Variants in ABCC10 observed in about 807,000 individuals in gnomAD.
ABCC10 encodes the protein ATP-binding cassette sub-family C member 10.
ABCC10 carries 110 observed loss-of-function variants against 143.2 expected under a neutral mutation model. That is an observed-to-expected ratio of 0.77 (90% CI 0.66 to 0.90). ABCC10 has a LOEUF of 0.90. ABCC10 is among the 40% of genes least tolerant of loss of function. ABCC10 has a pLI of 0.00. For missense variants in ABCC10, 1,700 were observed against 1,900.5 expected, an observed-to-expected ratio of 0.89 and a Z score of 1.96; for synonymous variants, 805 against 846.7, an observed-to-expected ratio of 0.95 and a Z score of 0.85.
Position 43,443,436 on chromosome 6 carries a change from A to G in ABCC10, c.2416+277A>G. 1 of 391,864 alleles carries G rather than the reference A, an allele frequency of 2.6e-6. No homozygotes were observed. The highest frequency in any genetic ancestry group is 4.0e-5 in the Admixed American group (1 of 24,796). 24.3% of individuals were successfully genotyped at this position (391,864 alleles called of 1,614,324 possible). A position where few individuals can be genotyped will look rare whatever the true frequency, so the allele number is the denominator to read the frequency against. On this transcript the variant is annotated intron_variant, in intron 10 of 21. Coordinates refer to ENST00000372530, the MANE Select transcript of ABCC10 (RefSeq NM_001198934.2). The surrounding 1 kb of genome is among the most constrained non-coding windows in gnomAD (Gnocchi z 4.2). The stretch of plus-strand genomic sequence containing the variant: ...TGAGAACATTCTCATATCTTCAGAG[A>G]AGAGAAAGGAGTCAGGTTTAGAATG...
At chr6:43,444,454 A>G (rs1782809399) in intron 12 of ABCC10, 101 bp downstream of exon 12, 1 of 1,365,062 alleles carries the variant, frequency 7.3e-7, no homozygotes, top group Non-Finnish European at 9.8e-7. Flanking sequence ...CTCACCAAGC[A>G]TGGGTCACAG....
intron 7 of ABCC10, 46 bp from the exon 8 acceptor site, chr6:43,438,578 C>G: frequency 1.9e-6 from 3 of 1,601,998 alleles, no homozygotes; most frequent in Non-Finnish European, 2.6e-6. Flanking sequence ...CATGGAGGGA[C>G]CCAGAGGAGA....
At chr6:43,433,887 G>A (rs552927310) in intron 3 of ABCC10, among the ~76,000 whole-genome samples, 5 of 152,356 alleles carry the variant, frequency 3.3e-5, no homozygotes, top group African/African-American at 1.2e-4. Flanking sequence ...AACTCCAGGT[G>A]TTTAGGGTTT....
Position 43,443,304 on chromosome 6 carries a change from C to A in ABCC10, c.2416+145C>A. On this transcript the variant is annotated intron_variant, in intron 10 of 21. Coordinates refer to ENST00000372530, the MANE Select transcript of ABCC10 (RefSeq NM_001198934.2). The surrounding 1 kb of genome is among the most constrained non-coding windows in gnomAD (Gnocchi z 4.2). ...GCCTTCACAGAACTGGTGTGAGGAA[C>A]TGGGAGAACAGGAGGGAAAAGGAGT... 1.2e-6 allele frequency: 1 copy of A among 832,410 alleles called. No individual in the cohort carries two copies. The highest frequency in any genetic ancestry group is 1.8e-6 in the Non-Finnish European group (1 of 569,778). 51.6% of individuals were successfully genotyped at this position (832,410 alleles called of 1,614,324 possible).
chr6:43,442,011 G>A, intron 9 of ABCC10, 51 bp downstream of exon 9: 1 of 1,537,844 alleles, frequency 6.5e-7, no homozygotes, highest in South Asian at 1.1e-5. Flanking sequence ...GGAGTCCAGA[G>A]CCTTGGGAAC....
In ABCC10 at chr6:43,443,574, A is replaced by C; in HGVS notation, c.2417-359A>C. ...TAGGAGGAAATGAAGCTCCAGCCAG[A>C]TATTAGGAATTGAGCGAAGCATGAG... On this transcript the variant is annotated intron_variant, in intron 10 of 21. Coordinates refer to ENST00000372530, the MANE Select transcript of ABCC10 (RefSeq NM_001198934.2). The surrounding 1 kb of genome is among the most constrained non-coding windows in gnomAD (Gnocchi z 4.2). The C allele has an allele frequency of 3.6e-6, 1 of 280,024 alleles. No homozygotes were observed. Among genetic ancestry groups the C allele is most frequent in the Non-Finnish European group, 6.7e-6 (1 of 148,864 alleles). 17.3% of individuals were successfully genotyped at this position (280,024 alleles called of 1,614,324 possible). A position where few individuals can be genotyped will look rare whatever the true frequency, so the allele number is the denominator to read the frequency against.
intron 11 of ABCC10, 73 bp from the exon 12 acceptor site, chr6:43,444,086 G>A (rs1346382169): frequency 5.0e-6 from 8 of 1,608,612 alleles, no homozygotes; most frequent in African/African-American, 2.7e-5. Context: ...ACGGCTGCCC[G>A]CTCCTCTGAA....
Position 43,437,977 on chromosome 6 carries a change from G to C in ABCC10, c.1919G>C (p.Ser640Thr), listed in dbSNP as rs772531194. 1 of 1,613,292 alleles carries C rather than the reference G, an allele frequency of 6.2e-7. No individual in the cohort carries two copies. Among genetic ancestry groups the C allele is most frequent in the South Asian group, 1.1e-5 (1 of 90,728 alleles). The change falls in exon 7 of 22, where the codon AGC becomes ACC. Residue 640 changes from serine (S) to threonine (T), a missense_variant. Transcript: ENST00000372530. ...GIVGKVGCGK[S>T]SLLAAIAGEL... ...GTGGGGAAGGTCGGCTGTGGGAAGAGCTCCCTGCTGGCTGCCATCGCTGGA... is the reference window on the plus strand; with the variant it reads ...GTGGGGAAGGTCGGCTGTGGGAAGACCTCCCTGCTGGCTGCCATCGCTGGA...
intron 14 of ABCC10, 60 bp from the exon 15 acceptor site, chr6:43,445,539 T>A (rs1410970719): frequency 5.0e-5 from 73 of 1,472,202 alleles, no homozygotes; most frequent in Non-Finnish European, 6.7e-5. Flanking sequence ...CCCCCAGTGC[T>A]GCCTGCCAAC....
Position 43,432,957 on chromosome 6 carries a change from A to C in ABCC10, c.977A>C (p.Tyr326Ser). The C allele has an allele frequency of 6.2e-7, 1 of 1,614,152 alleles. No individual in the cohort carries two copies. The highest frequency in any genetic ancestry group is 8.5e-7 in the Non-Finnish European group (1 of 1,180,020). Residue 326 changes from tyrosine (Y) to serine (S), a missense_variant, in exon 3 of 22, where the codon TAT becomes TCT. By Grantham distance (144) the Tyr-to-Ser change is moderately radical (BLOSUM62 -2). Transcript: ENST00000372530. ...GAGCCACTAAGCCACGGCCTGCTCT[A>C]TGCTCTGGGGCTAGCCGGTGGGGCT... is the stretch of plus-strand genomic sequence containing the variant. Reference protein sequence around the residue: ...GQEPLSHGLLYALGLAGGAVL... With the variant: ...GQEPLSHGLLSALGLAGGAVL...
In ABCC10 at chr6:43,439,831, C is replaced by A. The variant is rs535029371; in HGVS notation, c.2127+1036C>A. Among the ~76,000 whole-genome samples the A allele has an allele frequency of 5.3e-5, 8 of 152,300 alleles. No individual in the cohort carries two copies. In the South Asian group the frequency reaches 1.4e-3, roughly 28 times the overall value. ...TCTCCTGACCTTGTGATCTGCCCAC[C>A]TTGGCCTCCCAAGGTGCTGGGATTA... On this transcript the variant is annotated intron_variant, in intron 8 of 21. Transcript: ENST00000372530.
rs1783620396 is a variant in ABCC10 at position 43,450,153 on chromosome 6, G to A, written c.*62G>A. On this transcript the variant is annotated 3_prime_UTR_variant, in exon 22 of 22. Transcript: ENST00000372530. This position sits in a 1 kb window ranked among gnomAD's most constrained non-coding sequence, Gnocchi z 4.5. ...CTGATCCAGGCCGGGCCTATACAGA[G>A]GTGCTGGCTGCTTGTTTACATTCTC... 2 of 1,504,762 alleles carry A rather than the reference G, an allele frequency of 1.3e-6. No homozygotes were observed. The highest frequency in any genetic ancestry group is 1.8e-6 in the Non-Finnish European group (2 of 1,119,436). The allele number at this position is 1,504,762 out of a possible 1,614,324, so 93.2% of individuals were successfully genotyped here.
chr6:43,431,897 GT>G, intron 2 of ABCC10: 1 of 1,366,130 alleles, frequency 7.3e-7, no homozygotes, highest in Non-Finnish European at 9.4e-7. Context: ...GGTGTGGGTA[GT>G]TTAGAAAATG....
At position 43,449,417 on chromosome 6, in the gene ABCC10, T is replaced by A; in HGVS notation, c.4204-5T>A. On this transcript the variant is annotated splice_polypyrimidine_tract_variant and splice_region_variant and intron_variant, in intron 20 of 21. Coordinates refer to ENST00000372530, the MANE Select transcript of ABCC10 (RefSeq NM_001198934.2). ...CTTATCCCCTACCCCATTCCCATAT[T>A]CCAGATCCTGTGTATCGATGAGGCC... 6.2e-7 allele frequency: 1 copy of A among 1,611,524 alleles called. No individual in the cohort carries two copies. The highest frequency in any genetic ancestry group is 8.5e-7 in the Non-Finnish European group (1 of 1,178,532).
At position 43,447,707 on chromosome 6, in the gene ABCC10, G is replaced by T; in HGVS notation, c.3729G>T (p.Gln1243His). ...PLQLGTGWLT[Q>H]GGVEFQDVVL... Reference sequence around the variant, plus strand: ...AGCTGGGCACCGGCTGGCTGACCCAGGGGGGCGTGGAGTTCCAGGACGTGG... The same window carrying T: ...AGCTGGGCACCGGCTGGCTGACCCATGGGGGCGTGGAGTTCCAGGACGTGG... The change falls in exon 18 of 22, where the codon CAG becomes CAT. Residue 1243 changes from glutamine (Q) to histidine (H), a missense_variant. Coordinates refer to ENST00000372530, the MANE Select transcript of ABCC10 (RefSeq NM_001198934.2). The T allele has an allele frequency of 6.2e-7, 1 of 1,614,046 alleles. No homozygotes were observed.
In ABCC10 at chr6:43,434,711, C is replaced by T. The variant is rs376144562; in HGVS notation, c.1471C>T (p.Arg491Ter). The T allele has an allele frequency of 6.8e-6, 11 of 1,614,020 alleles. No individual in the cohort carries two copies. Among genetic ancestry groups the T allele is most frequent in the Non-Finnish European group, 7.6e-6 (9 of 1,180,032 alleles). ...AGCCCGAGTAGAGGCCTGCCGGGCT[C>T]GAGAGCTGGGGCGACTCCGGGTCAT... ...LGARVEACRA[R>*]ELGRLRVIKY... is the part of the protein sequence containing the mutation. The change falls in exon 4 of 22, where the codon CGA (arginine) becomes TGA (stop). Residue 491 changes from arginine (R) to a stop codon, truncating the protein, a stop_gained. Transcript: ENST00000372530. LOFTEE classifies it high-confidence loss of function.
Position 43,436,158 on chromosome 6 carries a change from A to G in ABCC10, c.1786A>G (p.Thr596Ala). The G allele has an allele frequency of 6.2e-7, 1 of 1,614,154 alleles. No homozygotes were observed. The highest frequency in any genetic ancestry group is 1.1e-5 in the South Asian group (1 of 91,082). Residue 596 changes from threonine to alanine, a missense_variant, in exon 6 of 22, where the codon ACA becomes GCA. Physicochemically the swap from Thr to Ala is moderately conservative, Grantham distance 58. Transcript: ENST00000372530. Reference protein sequence around the residue: ...YSPDPPAEPSTVLELHGALFS... With the variant: ...YSPDPPAEPSAVLELHGALFS... ...TTCAGATCCCCCTGCAGAGCCATCT[A>G]CAGTATTGGAGCTGCATGGAGCCTT...
chr6:43,438,818 T>C (rs1206354291), intron 8 of ABCC10, 23 bp downstream of exon 8: 1 of 1,611,590 alleles, frequency 6.2e-7, no homozygotes, highest in South Asian at 1.1e-5. Flanking sequence ...CCTTGAAACC[T>C]CTTAGCTGCC....
At chr6:43,449,804 C>T in intron 21 of ABCC10, 125 bp from the exon 22 acceptor site, 1 of 1,206,990 alleles carries the variant, frequency 8.3e-7, no homozygotes, top group South Asian at 1.5e-5. Flanking sequence ...CAGCACCAAG[C>T]CAGGGGCTAA....
Sources: allele counts gnomAD v4.1 joint callset (sites outside exome capture counted in the v4.1 genomes callset), GRCh38; gene constraint gnomAD v4.1.1; non-coding constraint Gnocchi (gnomAD v3.1); transcripts MANE v1.5; gene names NCBI Gene and HGNC (gene_info 2026-07-23, HGNC 2026-07-21).